The following PRELID2 variants were observed in gnomAD, a reference collection of about 807,000 sequenced individuals.
PRELID2 encodes PRELI domain containing 2.
In PRELID2, 25 loss-of-function variants were observed where a neutral mutation model predicts 28.4. That is an observed-to-expected ratio of 0.88 (90% CI 0.64 to 1.23). PRELID2 has a LOEUF of 1.23. PRELID2 is among the 50% of genes most tolerant of loss of function. The pLI is 0.00. For synonymous variants in PRELID2, 76 were observed against 71.6 expected (o/e 1.06, Z -0.31); for missense variants, 201 against 214.4 (o/e 0.94, Z 0.39).
chr5:145,584,468 A>C (rs1753134641), intron 1 of PRELID2, among the ~76,000 whole-genome samples: 1 of 152,180 alleles, frequency 6.6e-6, no homozygotes, highest in Non-Finnish European at 1.5e-5. Flanking sequence ...TCTGTACAGC[A>C]AAAGAAACTA....
the PRELID2 span, among the ~76,000 whole-genome samples, chr5:145,424,512 G>A: frequency 6.6e-6 from 1 of 152,208 alleles, no homozygotes; most frequent in South Asian, 2.1e-4. Context: ...GGTGCCGTCA[G>A]TCACCGCTTT....
chr5:145,581,845 C>A (rs1753110335), intron 1 of PRELID2, among the ~76,000 whole-genome samples: 1 of 152,032 alleles, frequency 6.6e-6, no homozygotes. Context: ...CATCCTTATT[C>A]TAGTCATTAT....
the PRELID2 span, among the ~76,000 whole-genome samples, chr5:145,463,190 C>T: frequency 2.6e-5 from 4 of 151,860 alleles, no homozygotes; most frequent in African/African-American, 9.7e-5. Flanking sequence ...TTTAATTTTA[C>T]CGACATAATT....
At chr5:145,401,661 C>T in the PRELID2 span, among the ~76,000 whole-genome samples, 1 of 152,168 alleles carries the variant, frequency 6.6e-6, no homozygotes, top group African/African-American at 2.4e-5. Flanking sequence ...GCCCATCCCA[C>T]CATTACAGAT....
the PRELID2 span, among the ~76,000 whole-genome samples, chr5:145,279,997 C>A: frequency 6.6e-6 from 1 of 152,084 alleles, no homozygotes; most frequent in Non-Finnish European, 1.5e-5. Context: ...ATTGGCTTAT[C>A]TTACATCAAC....
At chr5:145,474,872 T>C (rs1041743215) in intron 1 of PRELID2, among the ~76,000 whole-genome samples, 7 of 152,290 alleles carry the variant, frequency 4.6e-5, no homozygotes, top group African/African-American at 1.7e-4. Context: ...ATTAACTCAT[T>C]TATTCCTCAT....
intron 1 of PRELID2, among the ~76,000 whole-genome samples, chr5:145,722,035 G>T (rs1725495719): frequency 6.6e-6 from 1 of 152,114 alleles, no homozygotes; most frequent in Admixed American, 6.6e-5. Context: ...AGGTCAAGTA[G>T]ACAAAACATT....
At position 145,758,786 on chromosome 5, in the gene PRELID2, T is replaced by C. The variant is rs1053530052; in HGVS notation, c.*1750A>G. Among the ~76,000 whole-genome samples, 2 of 152,018 alleles carry C rather than the reference T, an allele frequency of 1.3e-5. No individual in the cohort carries two copies. Among genetic ancestry groups the C allele is most frequent in the African/African-American group, 2.4e-5 (1 of 41,392 alleles). ...ACCATTATTTTTCCCTCCAACACAATTGAAGAATGAAACACTATGAAGCTG... is the reference window on the plus strand; with the variant it reads ...ACCATTATTTTTCCCTCCAACACAACTGAAGAATGAAACACTATGAAGCTG... On this transcript the variant is annotated 3_prime_UTR_variant, in exon 7 of 7. Coordinates refer to ENST00000683046, the MANE Select transcript of PRELID2 (RefSeq NM_205846.3).
chr5:145,468,130 T>C (rs185460138), downstream of PRELID2, among the ~76,000 whole-genome samples: 919 of 152,220 alleles, frequency 6.0e-3, 14 homozygotes, highest in African/African-American at 0.021. Flanking sequence ...AGTGTTCTCA[T>C]TGTTCAATTC....
In PRELID2 at chr5:145,665,382, C is replaced by T. The variant is rs138858862; in HGVS notation, n.70+99549G>A. ...AGGGGGGTGGTCAATTAGCAGTCTGCTTTAGATCCAGGATTGGGAAAAGAC... is the reference window on the plus strand; with the variant it reads ...AGGGGGGTGGTCAATTAGCAGTCTGTTTTAGATCCAGGATTGGGAAAAGAC... On this transcript the variant is annotated intron_variant and non_coding_transcript_variant, in intron 1 of 2. Coordinates refer to the PRELID2 transcript ENST00000510259. 1.1e-3 allele frequency among the ~76,000 whole-genome samples: 161 copies of T among 152,196 alleles called. 1 individual carries two copies. In the East Asian group the frequency reaches 0.028, roughly 27 times the overall value.
At chr5:145,792,005 T>C (rs1325311298) in intron 5 of PRELID2, among the ~76,000 whole-genome samples, 3 of 152,130 alleles carry the variant, frequency 2.0e-5, no homozygotes, top group East Asian at 1.9e-4. Flanking sequence ...CCGTTTCAAG[T>C]AGCATGGCCG....
intron 1 of PRELID2, among the ~76,000 whole-genome samples, chr5:145,718,606 TA>T (rs1561556387): frequency 6.6e-6 from 1 of 151,712 alleles, no homozygotes; most frequent in Non-Finnish European, 1.5e-5. Flanking sequence ...AAGTAAACCA[TA>T]AAACAAAAAA....
chr5:145,735,929 C>G (rs1307539091), intron 1 of PRELID2, among the ~76,000 whole-genome samples: 1 of 152,206 alleles, frequency 6.6e-6, no homozygotes, highest in Non-Finnish European at 1.5e-5. Flanking sequence ...GGCGCTCTCT[C>G]TGAAGTGAGT....
chr5:145,566,950 C>A (rs1309286324), intron 1 of PRELID2, among the ~76,000 whole-genome samples: 2 of 151,314 alleles, frequency 1.3e-5, no homozygotes, highest in Middle Eastern at 3.2e-3. Context: ...TTTTGCTTAT[C>A]TAATTTTTCT....
At chr5:145,636,828 G>A (rs188785773) in intron 1 of PRELID2, among the ~76,000 whole-genome samples, 145 of 152,262 alleles carry the variant, frequency 9.5e-4, no homozygotes, top group African/African-American at 3.2e-3. Flanking sequence ...TGATCAAACC[G>A]TAGCCTTAGA....
the PRELID2 span, among the ~76,000 whole-genome samples, chr5:145,328,775 T>C: frequency 3.3e-5 from 5 of 152,220 alleles, no homozygotes; most frequent in Non-Finnish European, 7.3e-5. Context: ...AGCTCTTTAG[T>C]TTAATTAGAT....
chr5:145,617,352 G>A (rs1249331270), intron 1 of PRELID2, among the ~76,000 whole-genome samples: 2 of 152,176 alleles, frequency 1.3e-5, no homozygotes, highest in Admixed American at 6.5e-5. Context: ...CACAATTTAT[G>A]TTCAGAGATT....
At chr5:145,790,636 C>T (rs1398058080) in intron 5 of PRELID2, among the ~76,000 whole-genome samples, 1 of 148,854 alleles carries the variant, frequency 6.7e-6, no homozygotes, top group Non-Finnish European at 1.5e-5. Context: ...AATGATCTCA[C>T]CACAAAAAAT....
chr5:145,713,350 T>TATATATATATATATATATATATATATA (rs1755746978), intron 1 of PRELID2, among the ~76,000 whole-genome samples: 1 of 124,714 alleles, frequency 8.0e-6, no homozygotes, highest in Non-Finnish European at 1.7e-5. Flanking sequence ...ATATCTGACT[T>TATATATATATATATATATATATATATA]TATATATATA....
Sources: gnomAD v4.1 joint callset for allele counts (sites outside exome capture counted in the v4.1 genomes callset) on GRCh38, gnomAD v4.1.1 for gene constraint, MANE v1.5 for transcripts, NCBI Gene and HGNC (gene_info 2026-07-23, HGNC 2026-07-21) for gene names.